The following AOAH variants were observed in gnomAD, a reference collection of about 807,000 sequenced individuals.
AOAH encodes acyloxyacyl hydrolase (neutrophil).
AOAH carries 64 observed loss-of-function variants against 92.2 expected under a neutral mutation model. The observed-to-expected ratio is 0.69, with a 90% CI of 0.57 to 0.86. The LOEUF (loss-of-function observed/expected upper bound fraction) is 0.86, where lower values mean the gene tolerates loss of function less well. Among genes scored for constraint, AOAH ranks in the 40% least tolerant of loss-of-function variants. The pLI, the probability that AOAH is intolerant of heterozygous loss-of-function variation, is 0.00. For synonymous variants in AOAH, 263 were observed against 254.5 expected, an observed-to-expected ratio of 1.03 and a Z score of -0.32; for missense variants, 656 against 694.6, an observed-to-expected ratio of 0.94 and a Z score of 0.62.
chr7:36,593,281 T>C (rs1175713589), intron 12 of AOAH, among the ~76,000 whole-genome samples: 2 of 152,246 alleles, frequency 1.3e-5, no homozygotes, highest in Non-Finnish European at 2.9e-5. Context: ...ATTTAAGAAA[T>C]ATTTTTAAAG....
intron 11 of AOAH, among the ~76,000 whole-genome samples, chr7:36,612,459 GTTTC>G (rs1226740475): frequency 1.3e-5 from 2 of 152,036 alleles, no homozygotes; most frequent in African/African-American, 2.4e-5. Context: ...TTGATTTTTA[GTTTC>G]TTTCCTCATT....
chr7:36,700,962 G>A (rs562846713), intron 1 of AOAH, among the ~76,000 whole-genome samples: 88 of 152,052 alleles, frequency 5.8e-4, no homozygotes, highest in African/African-American at 2.0e-3. Flanking sequence ...TAATATGCTT[G>A]TTGGCCATTT....
At chr7:36,627,214 G>A (rs1319645084) in intron 6 of AOAH, among the ~76,000 whole-genome samples, 1 of 152,114 alleles carries the variant, frequency 6.6e-6, no homozygotes, top group East Asian at 1.9e-4. Flanking sequence ...GGTGAAAAAT[G>A]CTGTAAGCGG....
chr7:36,655,027 T>C (rs1271930184), intron 4 of AOAH, among the ~76,000 whole-genome samples: 1 of 152,230 alleles, frequency 6.6e-6, no homozygotes, highest in Non-Finnish European at 1.5e-5. Context: ...CAACTTCTGC[T>C]ATTTTCATTT....
intron 16 of AOAH, among the ~76,000 whole-genome samples, chr7:36,533,623 T>C (rs1010517229): frequency 3.3e-5 from 5 of 152,188 alleles, no homozygotes; most frequent in Admixed American, 6.5e-5. Context: ...AGCTTCCATT[T>C]TCCCCCAAGT....
Position 36,616,488 on chromosome 7 carries a change from T to A in AOAH, c.752-14A>T. 6.2e-7 allele frequency: 1 copy of A among 1,609,220 alleles called. No individual in the cohort carries two copies. Among genetic ancestry groups the A allele is most frequent in the South Asian group, 1.1e-5 (1 of 90,806 alleles). On this transcript the variant is annotated splice_polypyrimidine_tract_variant and intron_variant, in intron 10 of 20. Coordinates refer to ENST00000617537, the MANE Select transcript of AOAH (RefSeq NM_001637.4). ...TGGGCTGTGAACCTAGGCAGCACAA[T>A]TTATTCACATTATTTATGCACTCAA...
chr7:36,556,199 G>A lies in AOAH; in HGVS notation c.1022-6724C>T, dbSNP rs557229040. ...GTATGTTGTGTCTTTGTTCTCGTTG[G>A]TTTCAAAGAACATCTTTATTTCTGC... On this transcript the variant is annotated intron_variant, in intron 13 of 20. Transcript: ENST00000617537. Among the ~76,000 whole-genome samples the A allele has an allele frequency of 7.6e-4, 116 of 152,156 alleles. 1 individual carries two copies. The highest frequency in any genetic ancestry group is 2.7e-3 in the African/African-American group (113 of 41,506).
At chr7:36,557,947 G>C (rs943945648) in intron 13 of AOAH, among the ~76,000 whole-genome samples, 1 of 151,912 alleles carries the variant, frequency 6.6e-6, no homozygotes, top group Non-Finnish European at 1.5e-5. Context: ...CCTGTAGCTC[G>C]GAGTAGTTTG....
intron 11 of AOAH, among the ~76,000 whole-genome samples, chr7:36,596,871 TC>T (rs1007325335): frequency 5.3e-5 from 8 of 152,188 alleles, no homozygotes; most frequent in African/African-American, 1.9e-4. Context: ...CTTTTATTAT[TC>T]AAAGGGCTAA....
chr7:36,717,892 T>G (rs775393835), intron 1 of AOAH, among the ~76,000 whole-genome samples: 2 of 151,928 alleles, frequency 1.3e-5, no homozygotes, highest in African/African-American at 2.4e-5. Context: ...ACAACAACAA[T>G]TTTAAAATAT....
chr7:36,645,158 G>C (rs1794146234), intron 4 of AOAH, among the ~76,000 whole-genome samples: 1 of 152,142 alleles, frequency 6.6e-6, no homozygotes, highest in Non-Finnish European at 1.5e-5. Flanking sequence ...ATTGAAACCT[G>C]AATCTCCCTA....
At chr7:36,517,465 G>A (rs932377579) in intron 20 of AOAH, among the ~76,000 whole-genome samples, 1 of 151,434 alleles carries the variant, frequency 6.6e-6, no homozygotes, top group African/African-American at 2.4e-5. Flanking sequence ...AATATTAAAG[G>A]AAAACCTGTT....
chr7:36,531,865 T>TA (rs772266305), intron 18 of AOAH, among the ~76,000 whole-genome samples: 1 of 151,948 alleles, frequency 6.6e-6, no homozygotes, highest in Non-Finnish European at 1.5e-5. Flanking sequence ...TGTGTGTGTA[T>TA]GTGTGCGTGT....
intron 2 of AOAH, among the ~76,000 whole-genome samples, chr7:36,684,362 ACTG>A (rs1796832657): frequency 3.3e-5 from 5 of 152,198 alleles, no homozygotes; most frequent in African/African-American, 1.2e-4. Flanking sequence ...GGAAAAACTA[ACTG>A]CTTGCTGTGA....
intron 4 of AOAH, among the ~76,000 whole-genome samples, chr7:36,655,758 C>G (rs1794844133): frequency 2.0e-5 from 3 of 152,088 alleles, no homozygotes. Flanking sequence ...ATACACATTT[C>G]CTTGGTATGT....
chr7:36,644,827 G>T (rs547014765), intron 4 of AOAH, among the ~76,000 whole-genome samples: 206 of 145,260 alleles, frequency 1.4e-3, no homozygotes, highest in African/African-American at 5.0e-3. Context: ...AGCAGTGACA[G>T]ATTCTCACAA....
chr7:36,690,395 C>T (rs550841107), intron 1 of AOAH, among the ~76,000 whole-genome samples: 9 of 152,212 alleles, frequency 5.9e-5, no homozygotes, highest in Admixed American at 1.3e-4. Context: ...CAGCCATCTC[C>T]GCCTGTCTCC....
chr7:36,641,299 A>AC (rs1284447913), intron 4 of AOAH, among the ~76,000 whole-genome samples: 1 of 152,104 alleles, frequency 6.6e-6, no homozygotes, highest in Non-Finnish European at 1.5e-5. Flanking sequence ...ACAGGGATTC[A>AC]CCCGGGAACT....
At chr7:36,650,334 T>C (rs1794501120) in intron 4 of AOAH, among the ~76,000 whole-genome samples, 3 of 152,116 alleles carry the variant, frequency 2.0e-5, no homozygotes, top group South Asian at 4.1e-4. Flanking sequence ...GGAAACCCAA[T>C]AGCTGAGGTT....
Sources: allele counts gnomAD v4.1 joint callset (sites outside exome capture counted in the v4.1 genomes callset), GRCh38; gene constraint gnomAD v4.1.1; transcripts MANE v1.5; gene names NCBI Gene and HGNC (gene_info 2026-07-23, HGNC 2026-07-21).